DNAJC16: variants seen among roughly 807,000 people sequenced by gnomAD.
DNAJC16 encodes DnaJ heat shock protein family (Hsp40) member C16.
DNAJC16 carries 76 observed loss-of-function variants against 92.7 expected under a neutral mutation model. The observed-to-expected ratio is 0.82, with a 90% confidence interval of 0.68 to 0.99. DNAJC16 has a LOEUF of 0.99. DNAJC16 is among the 50% of genes least tolerant of loss of function. The pLI is 0.00. For synonymous variants in DNAJC16, 328 were observed against 358.7 expected (o/e 0.91, Z 0.97); for missense variants, 869 against 942.4 (o/e 0.92, Z 1.02).
chr1:15,541,722 T>G (rs1710935430), intron 4 of DNAJC16, among the ~76,000 whole-genome samples: 1 of 152,208 alleles, frequency 6.6e-6, no homozygotes, highest in African/African-American at 2.4e-5. Context: ...TGTACAAAGA[T>G]GTACAAGGAT....
chr1:15,530,972 G>A (rs1271838630), intron 2 of DNAJC16, among the ~76,000 whole-genome samples: 1 of 152,246 alleles, frequency 6.6e-6, no homozygotes, highest in African/African-American at 2.4e-5. Context: ...ACAGACGTGA[G>A]CTACCATGCT....
intron 2 of DNAJC16, among the ~76,000 whole-genome samples, chr1:15,530,484 A>C (rs1195885318): frequency 6.6e-6 from 1 of 152,242 alleles, no homozygotes; most frequent in Non-Finnish European, 1.5e-5. Context: ...CCAAAGAAGC[A>C]GAAGTGTTGG....
At position 15,563,860 on chromosome 1, in the gene DNAJC16, A is replaced by AG. The variant is rs1553149111; in HGVS notation, c.1339-69_1339-68insG. ...GCAAGACTCCGTCAAAAAAAAAAAA[A>AG]AAAGCAAACAACTGTAACTTAACCA... is the stretch of plus-strand genomic sequence containing the variant. On this transcript the variant is annotated intron_variant, in intron 9 of 14. Transcript: ENST00000375847. The AG allele has an allele frequency of 8.8e-4, 1,246 of 1,423,764 alleles. 1 individual carries two copies. The highest frequency in any genetic ancestry group is 2.6e-3 in the African/African-American group (175 of 66,114). The allele number at this position is 1,423,764 out of a possible 1,614,324, so 88.2% of individuals were successfully genotyped here. A position where few individuals can be genotyped will look rare whatever the true frequency, so the allele number is the denominator to read the frequency against.
At chr1:15,542,704 T>TC (rs1468304661) in intron 4 of DNAJC16, among the ~76,000 whole-genome samples, 2 of 152,188 alleles carry the variant, frequency 1.3e-5, no homozygotes, top group Non-Finnish European at 1.5e-5. Flanking sequence ...ACCTGATGCT[T>TC]CCTCTGGGTA....
intron 6 of DNAJC16, among the ~76,000 whole-genome samples, chr1:15,547,723 T>C (rs1432839383): frequency 2.0e-5 from 3 of 152,174 alleles, no homozygotes; most frequent in African/African-American, 4.8e-5. Flanking sequence ...ATTAAAGGCA[T>C]GAGCCACCAC....
At chr1:15,545,103 A>G (rs997270610) in intron 5 of DNAJC16, among the ~76,000 whole-genome samples, 5 of 152,236 alleles carry the variant, frequency 3.3e-5, no homozygotes, top group African/African-American at 4.8e-5. Context: ...TCACAAAGAA[A>G]AGGTTGAAAT....
At chr1:15,534,886 T>C (rs1710744532) in intron 3 of DNAJC16, among the ~76,000 whole-genome samples, 1 of 152,230 alleles carries the variant, frequency 6.6e-6, no homozygotes, top group Non-Finnish European at 1.5e-5. Context: ...CTTAGAAATA[T>C]GCATTAAAGA....
At chr1:15,561,051 C>T (rs1370952262) in intron 8 of DNAJC16, among the ~76,000 whole-genome samples, 9 of 152,166 alleles carry the variant, frequency 5.9e-5, no homozygotes, top group Admixed American at 2.6e-4. Context: ...CCCTGACCAA[C>T]CTGTCTGATG....
At position 15,570,295 on chromosome 1, in the gene DNAJC16, G is replaced by A. The variant is rs1228292952; in HGVS notation, c.*2118G>A. On this transcript the variant is annotated 3_prime_UTR_variant, in exon 15 of 15. Coordinates refer to ENST00000375847, the MANE Select transcript of DNAJC16 (RefSeq NM_015291.4). ...ATATGAGTGGTCTTTTGGTTTGGTA[G>A]TAGGTTTTTATTTTTAATTTCTGTA... The A allele has an allele frequency of 6.6e-6, 1 of 152,250 alleles. No individual in the cohort carries two copies. Among genetic ancestry groups the A allele is most frequent in the South Asian group, 2.1e-4 (1 of 4,818 alleles). 9.4% of individuals were successfully genotyped at this position (152,250 alleles called of 1,614,324 possible). A position where few individuals can be genotyped will look rare whatever the true frequency, so the allele number is the denominator to read the frequency against.
intron 6 of DNAJC16, 84 bp downstream of exon 6, chr1:15,546,955 T>A: frequency 9.6e-7 from 1 of 1,040,204 alleles, no homozygotes; most frequent in Non-Finnish European, 1.4e-6. Context: ...AATCTCTGAG[T>A]TGGAACTTAT....
intron 6 of DNAJC16, among the ~76,000 whole-genome samples, chr1:15,547,513 ACTCACTGCAAC>A (rs1235074964): frequency 1.3e-5 from 2 of 148,622 alleles, no homozygotes; most frequent in African/African-American, 2.5e-5. Flanking sequence ...TGTGATCTAG[ACTCACTGCAAC>A]CTCCGCCTAC....
intron 3 of DNAJC16, 148 bp from the exon 4 acceptor site, chr1:15,536,327 G>A (rs1353506807): frequency 9.5e-5 from 58 of 608,462 alleles, no homozygotes; most frequent in Middle Eastern, 9.0e-4. Flanking sequence ...TGATCCACCC[G>A]CCTCAGCCTC....
intron 7 of DNAJC16, among the ~76,000 whole-genome samples, chr1:15,555,131 T>C (rs1638538311): frequency 6.6e-6 from 1 of 151,124 alleles, no homozygotes; most frequent in Non-Finnish European, 1.5e-5. Context: ...ATCCTCGTAC[T>C]TTTGGAGGCC....
intron 9 of DNAJC16, 150 bp from the exon 10 acceptor site, chr1:15,563,779 G>A (rs1638745521): frequency 2.9e-6 from 2 of 682,330 alleles, no homozygotes; most frequent in Non-Finnish European, 2.3e-6. Context: ...GAACCCGGGA[G>A]GCGGAGCTTG....
intron 4 of DNAJC16, among the ~76,000 whole-genome samples, chr1:15,539,407 G>A (rs560579504): frequency 9.9e-5 from 15 of 151,714 alleles, no homozygotes; most frequent in South Asian, 4.2e-4. Context: ...CACCACGCCC[G>A]GCTAATTTTT....
rs747340500 is a variant in DNAJC16 at position 15,536,646 on chromosome 1, G to T, written c.406G>T (p.Asp136Tyr). ...FHFPFNSERR[D>Y]SIDEKYLLHF... ...CTTCCCTTTTAATTCTGAACGGCGGGACTCAATTGACGAAAAGTATTTATT... is the reference window on the plus strand; with the variant it reads ...CTTCCCTTTTAATTCTGAACGGCGGTACTCAATTGACGAAAAGTATTTATT... Residue 136 changes from aspartate to tyrosine, a missense_variant, in exon 4 of 15, where the codon GAC becomes TAC. By Grantham distance (160) the Asp-to-Tyr change is radical. Coordinates refer to ENST00000375847, the MANE Select transcript of DNAJC16 (RefSeq NM_015291.4). 6.2e-7 allele frequency: 1 copy of T among 1,614,036 alleles called. No individual in the cohort carries two copies. Among genetic ancestry groups the T allele is most frequent in the Admixed American group, 1.7e-5 (1 of 59,986 alleles).
intron 4 of DNAJC16, among the ~76,000 whole-genome samples, chr1:15,544,072 G>A (rs974840629): frequency 6.6e-6 from 1 of 151,584 alleles, no homozygotes; most frequent in Admixed American, 6.6e-5. Flanking sequence ...TATATGGTTG[G>A]ATGAAAGAAC....
rs546797304 is a variant in DNAJC16, at chr1:15,543,667, C to T, written c.575-732C>T. Among the ~76,000 whole-genome samples, 3 of 152,132 alleles carry T rather than the reference C, an allele frequency of 2.0e-5. No individual in the cohort carries two copies. The East Asian group carries it at 5.8e-4, about 29-fold the overall frequency. ...GAGACAGGGAGAAATAGGGGGAGAG[C>T]ATTTAGGATATTATTGCAGCAACAT... is the stretch of plus-strand genomic sequence containing the variant. On this transcript the variant is annotated intron_variant, in intron 4 of 14. Transcript: ENST00000375847.
intron 1 of DNAJC16, among the ~76,000 whole-genome samples, chr1:15,528,535 C>T (rs1402814690): frequency 1.3e-5 from 2 of 152,172 alleles, no homozygotes; most frequent in African/African-American, 4.8e-5. Context: ...TTGAGGCATA[C>T]TGCGTCTTAA....
Sources: gnomAD v4.1 joint callset for allele counts (sites outside exome capture counted in the v4.1 genomes callset) on GRCh38, gnomAD v4.1.1 for gene constraint, MANE v1.5 for transcripts, NCBI Gene and HGNC (gene_info 2026-07-23, HGNC 2026-07-21) for gene names.